The following PPM1H variants were observed in gnomAD, a reference collection of about 807,000 sequenced individuals.
PPM1H encodes the protein protein phosphatase, Mg2+/Mn2+ dependent 1H, also known as protein phosphatase 1H.
Under a neutral mutation model 54.9 loss-of-function variants are expected in PPM1H, and 27 were observed. The observed-to-expected ratio is 0.49, with a 90% CI of 0.36 to 0.68. The LOEUF (loss-of-function observed/expected upper bound fraction) is 0.68. PPM1H is among the 30% of genes least tolerant of loss of function. The probability of loss-of-function intolerance (pLI) is 0.00; values close to 1 mark genes in which losing one functional copy is unlikely to be tolerated. For missense variants in PPM1H, 596 were observed against 667.8 expected (o/e 0.89, Z 1.19); for synonymous variants, 305 against 270.8 (o/e 1.13, Z -1.24).
chr12:62,740,983 G>T (rs549860805), intron 4 of PPM1H, among the ~76,000 whole-genome samples: 77 of 152,300 alleles, frequency 5.1e-4, no homozygotes, highest in Non-Finnish European at 1.0e-3. Flanking sequence ...TATCTCTGTT[G>T]TGCTCGGCCT....
At chr12:62,654,240 A>AAAAAAAAAC in intron 9 of PPM1H, among the ~76,000 whole-genome samples, 1 of 150,862 alleles carries the variant, frequency 6.6e-6, no homozygotes, top group Non-Finnish European at 1.5e-5. Context: ...AAAAAAAAAA[A>AAAAAAAAAC]AGCAACACCT....
intron 2 of PPM1H, among the ~76,000 whole-genome samples, chr12:62,807,226 G>T (rs2076809911): frequency 6.6e-6 from 1 of 152,090 alleles, no homozygotes; most frequent in Non-Finnish European, 1.5e-5. Context: ...TTTAGCATAA[G>T]TGTAACAAAA....
intron 9 of PPM1H, among the ~76,000 whole-genome samples, chr12:62,656,714 C>A (rs551496014): frequency 6.6e-6 from 1 of 152,098 alleles, no homozygotes; most frequent in Non-Finnish European, 1.5e-5. Flanking sequence ...TGCTGACACC[C>A]GCAGTAATAC....
intron 6 of PPM1H, among the ~76,000 whole-genome samples, chr12:62,708,358 A>T (rs570265001): frequency 6.6e-6 from 1 of 152,372 alleles, no homozygotes; most frequent in African/African-American, 2.4e-5. Context: ...AACCATCACC[A>T]CAGCTGATTT....
intron 1 of PPM1H, among the ~76,000 whole-genome samples, chr12:62,884,359 G>A (rs556264374): frequency 5.3e-5 from 8 of 151,428 alleles, no homozygotes; most frequent in Admixed American, 6.6e-5. Context: ...AAAATAGTCA[G>A]GCATAGTGGC....
intron 7 of PPM1H, among the ~76,000 whole-genome samples, chr12:62,693,609 G>A (rs536739549): frequency 1.1e-4 from 16 of 152,316 alleles, no homozygotes; most frequent in South Asian, 2.1e-4. Context: ...CTCCTTGCTC[G>A]TTGTCAGATA....
intron 2 of PPM1H, among the ~76,000 whole-genome samples, chr12:62,802,892 C>G (rs528931973): frequency 1.3e-5 from 2 of 152,066 alleles, no homozygotes; most frequent in African/African-American, 2.4e-5. Flanking sequence ...CGTGAGCCAC[C>G]GTGCCTGGAA....
intron 2 of PPM1H, among the ~76,000 whole-genome samples, chr12:62,808,441 A>G (rs679811): frequency 0.22 from 33,793 of 151,994 alleles, 4,261 homozygotes; most frequent in African/African-American, 0.35. Flanking sequence ...TTTCTACTCT[A>G]TAATCTGAGT....
chr12:62,678,275 A>T (rs530941950), intron 8 of PPM1H, among the ~76,000 whole-genome samples: 1 of 152,376 alleles, frequency 6.6e-6, no homozygotes, highest in South Asian at 2.1e-4. Flanking sequence ...ACTTCTAAAC[A>T]TTCTTATATG....
At chr12:62,731,263 G>A (rs2076319180) in intron 5 of PPM1H, among the ~76,000 whole-genome samples, 1 of 152,158 alleles carries the variant, frequency 6.6e-6, no homozygotes, top group Admixed American at 6.5e-5. Flanking sequence ...TGGGACTGGA[G>A]TGGATTTTTT....
chr12:62,758,679 G>A (rs1360657272), intron 4 of PPM1H, among the ~76,000 whole-genome samples: 1 of 152,020 alleles, frequency 6.6e-6, no homozygotes, highest in Non-Finnish European at 1.5e-5. Context: ...GGAAAAAAAA[G>A]GAGCATCTAA....
chr12:62,786,985 C>T (rs1338052088), intron 4 of PPM1H, among the ~76,000 whole-genome samples: 2 of 152,140 alleles, frequency 1.3e-5, no homozygotes, highest in East Asian at 3.8e-4. Flanking sequence ...AAGCAACAGA[C>T]CTTCAACAAA....
chr12:62,755,989 T>C, intron 4 of PPM1H: 2 of 1,315,684 alleles, frequency 1.5e-6, no homozygotes, highest in Non-Finnish European at 2.2e-6. Context: ...AACTGCCAAA[T>C]ATGATGACAT....
At chr12:62,872,079 T>C (rs1229999493) in intron 1 of PPM1H, among the ~76,000 whole-genome samples, 1 of 152,260 alleles carries the variant, frequency 6.6e-6, no homozygotes, top group Non-Finnish European at 1.5e-5. Flanking sequence ...AAGTTTAATG[T>C]GTGGCTTTTG....
chr12:62,875,991 C>A (rs888891800), intron 1 of PPM1H, among the ~76,000 whole-genome samples: 1 of 152,162 alleles, frequency 6.6e-6, no homozygotes, highest in Admixed American at 6.5e-5. Context: ...CTGGCTCAAG[C>A]CTTGCCAAAG....
chr12:62,724,286 G>A (rs1016135605), intron 5 of PPM1H, among the ~76,000 whole-genome samples: 1 of 152,132 alleles, frequency 6.6e-6, no homozygotes, highest in South Asian at 2.1e-4. Context: ...TGTTATAGGG[G>A]CATCAGCCAT....
chr12:62,731,333 G>C (rs1303705017), intron 5 of PPM1H, among the ~76,000 whole-genome samples: 48 of 152,262 alleles, frequency 3.2e-4, no homozygotes, highest in Non-Finnish European at 4.4e-5. Flanking sequence ...GTCTCTTTCT[G>C]AATAAAGCCA....
chr12:62,925,423 C>T (rs1409706882), intron 1 of PPM1H, among the ~76,000 whole-genome samples: 2 of 151,672 alleles, frequency 1.3e-5, no homozygotes, highest in East Asian at 2.0e-4. Context: ...ACTAAAAATA[C>T]AAAAATTAGC....
intron 8 of PPM1H, 22 bp downstream of exon 8, chr12:62,689,677 A>C: frequency 6.3e-7 from 1 of 1,588,016 alleles, no homozygotes; most frequent in Admixed American, 1.7e-5. Context: ...CACAAAATAT[A>C]AACAAAAACC....
Sources: gnomAD v4.1 joint callset for allele counts (sites outside exome capture counted in the v4.1 genomes callset) on GRCh38, gnomAD v4.1.1 for gene constraint, MANE v1.5 for transcripts, NCBI Gene and HGNC (gene_info 2026-07-23, HGNC 2026-07-21) for gene names.